CMTM6: variants seen among roughly 807,000 people sequenced by gnomAD.
The protein encoded by CMTM6 is CKLF-like MARVEL transmembrane domain-containing protein 6.
CMTM6 carries 5 observed loss-of-function variants against 13.6 expected under a neutral mutation model. The observed-to-expected ratio is 0.37, with a 90% CI of 0.19 to 0.77. The LOEUF (loss-of-function observed/expected upper bound fraction) is 0.77, where lower values mean the gene tolerates loss of function less well. Ranked by LOEUF, CMTM6 falls within the 30% of genes least tolerant of loss-of-function variation. The pLI is 0.50. For missense variants in CMTM6, 196 were observed against 218.6 expected, an observed-to-expected ratio of 0.90 and a Z score of 0.65; for synonymous variants, 99 against 84.5, an observed-to-expected ratio of 1.17 and a Z score of -0.94.
intron 1 of CMTM6, among the ~76,000 whole-genome samples, chr3:32,497,310 A>G (rs202091841): frequency 4.7e-5 from 7 of 148,736 alleles, no homozygotes; most frequent in Non-Finnish European, 7.4e-5. Flanking sequence ...GCGTAAACCC[A>G]GGAGGCAGAG....
intron 1 of CMTM6, 116 bp downstream of exon 1, chr3:32,502,492 T>C (rs1052024965): frequency 2.2e-6 from 3 of 1,348,390 alleles, no homozygotes; most frequent in African/African-American, 1.5e-5. Flanking sequence ...ACTAGAGGTG[T>C]GGAAACCTCC....
chr3:32,498,007 G>A (rs545314398), intron 1 of CMTM6, among the ~76,000 whole-genome samples: 1 of 152,184 alleles, frequency 6.6e-6, no homozygotes, highest in African/African-American at 2.4e-5. Context: ...TAACCCATAA[G>A]TAAAAAGGCT....
At chr3:32,491,976 A>G (rs1697253720) in intron 1 of CMTM6, 90 bp from the exon 2 acceptor site, 2 of 1,073,562 alleles carry the variant, frequency 1.9e-6, no homozygotes, top group African/African-American at 1.6e-5. Flanking sequence ...CGTTTACTCA[A>G]ATATTTACAA....
rs1337820425 is a variant in CMTM6 at position 32,481,580 on chromosome 3, AATT to A, written c.*2377_*2379del. Reference sequence around the variant, plus strand: ...AATTTATCATAACTGTTAATTTAAAAATTATTTTAAATTTGAGTTTATTGAATT... The same window carrying A: ...AATTTATCATAACTGTTAATTTAAAAATTTTAAATTTGAGTTTATTGAATT... On this transcript the variant is annotated 3_prime_UTR_variant, in exon 4 of 4. Coordinates refer to ENST00000205636, the MANE Select transcript of CMTM6 (RefSeq NM_017801.3). The A allele has an allele frequency of 3.9e-5, 6 of 152,176 alleles. No individual in the cohort carries two copies. Among genetic ancestry groups the A allele is most frequent in the Non-Finnish European group, 5.9e-5 (4 of 68,032 alleles). The allele number at this position is 152,176 out of a possible 1,614,324, so 9.4% of individuals were successfully genotyped here.
chr3:32,491,477 C>T (rs887129237), intron 2 of CMTM6, among the ~76,000 whole-genome samples: 4 of 152,126 alleles, frequency 2.6e-5, no homozygotes, highest in Non-Finnish European at 4.4e-5. Context: ...CATTAAACCA[C>T]CAATAACTGT....
rs1202873379 is a variant in CMTM6 at position 32,481,362 on chromosome 3, A to T, written c.*2598T>A. The T allele has an allele frequency of 8.3e-6, 1 of 119,854 alleles. No homozygotes were observed. The highest frequency in any genetic ancestry group is 1.8e-5 in the Non-Finnish European group (1 of 56,202). 7.4% of individuals were successfully genotyped at this position (119,854 alleles called of 1,614,324 possible). A position where few individuals can be genotyped will look rare whatever the true frequency, so the allele number is the denominator to read the frequency against. On this transcript the variant is annotated 3_prime_UTR_variant, in exon 4 of 4. Transcript: ENST00000205636. ...TAAAAAGACTATAAAATCTGACATC[A>T]AGAGAGATAAAAAAAAAAGACCCAT...
chr3:32,495,443 T>G (rs1697282447), intron 1 of CMTM6, among the ~76,000 whole-genome samples: 1 of 152,240 alleles, frequency 6.6e-6, no homozygotes, highest in African/African-American at 2.4e-5. Context: ...AATAAAATAC[T>G]AAATATCTAA....
Position 32,483,750 on chromosome 3 carries a change from A to G in CMTM6, c.*210T>C. The G allele has an allele frequency of 2.8e-6, 1 of 351,186 alleles. No individual in the cohort carries two copies. Among genetic ancestry groups the G allele is most frequent in the African/African-American group, 2.1e-5 (1 of 47,648 alleles). 21.8% of individuals were successfully genotyped at this position (351,186 alleles called of 1,614,324 possible). ...AAAATCTCCATTTGAGATAAGTTTC[A>G]ATTATTATTTAAAAAAAAATTTTTT... On this transcript the variant is annotated 3_prime_UTR_variant, in exon 4 of 4. Coordinates refer to ENST00000205636, the MANE Select transcript of CMTM6 (RefSeq NM_017801.3).
Position 32,483,148 on chromosome 3 carries a change from CT to C in CMTM6, c.*811del, listed in dbSNP as rs1250918985. On this transcript the variant is annotated 3_prime_UTR_variant, in exon 4 of 4. Coordinates refer to ENST00000205636, the MANE Select transcript of CMTM6 (RefSeq NM_017801.3). Reference sequence around the variant, plus strand: ...TGGTCAAAGCTTGTTTTTATAATTACTTTCACTGTCTTGGGCAAAAAGTCTT... The same window carrying C: ...TGGTCAAAGCTTGTTTTTATAATTACTTCACTGTCTTGGGCAAAAAGTCTT... The C allele has an allele frequency of 6.6e-6, 1 of 152,616 alleles. No individual in the cohort carries two copies. Among genetic ancestry groups the C allele is most frequent in the Non-Finnish European group, 1.5e-5 (1 of 68,024 alleles). The allele number at this position is 152,616 out of a possible 1,614,324, so 9.5% of individuals were successfully genotyped here. A position where few individuals can be genotyped will look rare whatever the true frequency, so the allele number is the denominator to read the frequency against.
At chr3:32,497,266 T>A (rs1353663812) in intron 1 of CMTM6, among the ~76,000 whole-genome samples, 1 of 150,068 alleles carries the variant, frequency 6.7e-6, no homozygotes, top group Non-Finnish European at 1.5e-5. Context: ...GCGCCTGTAG[T>A]CCCAGCTACT....
At position 32,502,737 on chromosome 3, in the gene CMTM6, G is replaced by C; in HGVS notation, c.9C>G (p.Asn3Lys). 6.7e-7 allele frequency: 1 copy of C among 1,481,842 alleles called. No individual in the cohort carries two copies. The allele number at this position is 1,481,842 out of a possible 1,614,324, so 91.8% of individuals were successfully genotyped here. Residue 3 changes from asparagine (N) to lysine (K), a missense_variant, in exon 1 of 4, where the codon AAC becomes AAG. Around this residue, in one of 2 missense-constraint regions of CMTM6, gnomAD observed 85 missense variants for 58.7 expected, o/e 1.45. Coordinates refer to ENST00000205636, the MANE Select transcript of CMTM6 (RefSeq NM_017801.3). ...CCGTAGTGGGGCTGTACACCGCTCC[G>C]TTCTCCATCGCCTCGGGCCGGGGAG... ME[N>K]GAVYSPTTEE... is the part of the protein sequence containing the mutation.
In CMTM6 at chr3:32,494,998, G is replaced by C. The variant is rs187608653; in HGVS notation, c.139-3112C>G. Among the ~76,000 whole-genome samples, 669 of 151,662 alleles carry C rather than the reference G, an allele frequency of 4.4e-3. 3 individuals carry two copies. Among genetic ancestry groups the C allele is most frequent in the South Asian group, 0.015 (74 of 4,812 alleles). ...ACACACACATGCACATACAAATGTG[G>C]GACCTCCCTGTACTTTTTTTTTTTG... On this transcript the variant is annotated intron_variant, in intron 1 of 3. Transcript: ENST00000205636.
chr3:32,488,278 AT>A, intron 2 of CMTM6: 1 of 293,958 alleles, frequency 3.4e-6, no homozygotes, highest in Non-Finnish European at 6.4e-6. Flanking sequence ...TAAACTTTTA[AT>A]AACAACAATC....
Position 32,482,347 on chromosome 3 carries a change from T to TAAG in CMTM6, c.*1610_*1612dup, listed in dbSNP as rs1697162330. 6.6e-6 allele frequency: 1 copy of TAAG among 151,764 alleles called. No individual in the cohort carries two copies. The highest frequency in any genetic ancestry group is 2.4e-5 in the African/African-American group (1 of 41,216). 9.4% of individuals were successfully genotyped at this position (151,764 alleles called of 1,614,324 possible). ...CACATTCATGCAATTAAAACCCATC[T>TAAG]AAGACACACAAATGGCAGATGAGAA... is the stretch of plus-strand genomic sequence containing the variant. On this transcript the variant is annotated 3_prime_UTR_variant, in exon 4 of 4. Coordinates refer to ENST00000205636, the MANE Select transcript of CMTM6 (RefSeq NM_017801.3).
chr3:32,492,910 CTGA>C (rs940235851), intron 1 of CMTM6, among the ~76,000 whole-genome samples: 4 of 152,234 alleles, frequency 2.6e-5, no homozygotes, highest in African/African-American at 4.8e-5. Flanking sequence ...TACTTCCAGA[CTGA>C]TGTTATCTGA....
chr3:32,489,601 G>A lies in CMTM6; in HGVS notation c.316-1565C>T, dbSNP rs186832471. On this transcript the variant is annotated intron_variant, in intron 2 of 3. Transcript: ENST00000205636. ...AGGAAGCACAAGGTTGCAGTGAGCC[G>A]AGATCGTGCCATTGCACTCCAGCCT... is the stretch of plus-strand genomic sequence containing the variant. 2.1e-4 allele frequency among the ~76,000 whole-genome samples: 32 copies of A among 151,172 alleles called. 1 individual carries two copies. The South Asian group carries it at 4.6e-3, about 22-fold the overall frequency.
rs1037354523 is a variant in CMTM6 at position 32,481,625 on chromosome 3, A to C, written c.*2335T>G. Reference sequence around the variant, plus strand: ...TATTGAATTTGCCATTTTTTTGTACATAACAGTGGTTTCTGGTCCCAAGTT... The same window carrying C: ...TATTGAATTTGCCATTTTTTTGTACCTAACAGTGGTTTCTGGTCCCAAGTT... On this transcript the variant is annotated 3_prime_UTR_variant, in exon 4 of 4. Coordinates refer to ENST00000205636, the MANE Select transcript of CMTM6 (RefSeq NM_017801.3). The C allele has an allele frequency of 6.6e-6, 1 of 152,190 alleles. No homozygotes were observed. Among genetic ancestry groups the C allele is most frequent in the Admixed American group, 6.5e-5 (1 of 15,278 alleles). The allele number at this position is 152,190 out of a possible 1,614,324, so 9.4% of individuals were successfully genotyped here. A position where few individuals can be genotyped will look rare whatever the true frequency, so the allele number is the denominator to read the frequency against.
In CMTM6 at chr3:32,502,703, G is replaced by A; in HGVS notation, c.43C>T (p.Pro15Ser). Residue 15 changes from proline (P) to serine (S), a missense_variant, in exon 1 of 4, where the codon CCG (proline) becomes TCG (serine). Coordinates refer to ENST00000205636, the MANE Select transcript of CMTM6 (RefSeq NM_017801.3). Reference protein sequence around the residue: ...AVYSPTTEEDPGPARGPRSGL... With the variant: ...AVYSPTTEEDSGPARGPRSGL... ...CTCCGGGGGCCTCTGGCGGGGCCCG[G>A]GTCCTCCTCCGTAGTGGGGCTGTAC... The A allele has an allele frequency of 6.3e-7, 1 of 1,583,826 alleles. No homozygotes were observed. The highest frequency in any genetic ancestry group is 1.4e-5 in the African/African-American group (1 of 73,980).
At chr3:32,484,896 G>A (rs549279500) in intron 3 of CMTM6, among the ~76,000 whole-genome samples, 41 of 152,056 alleles carry the variant, frequency 2.7e-4, no homozygotes, top group African/African-American at 9.4e-4. Context: ...GCAGTCTCCT[G>A]ACCTCTCCTC....
Sources: gnomAD v4.1 joint callset for allele counts (sites outside exome capture counted in the v4.1 genomes callset) on GRCh38, gnomAD v4.1.1 for gene constraint, gnomAD v4.1.1 regional missense constraint, MANE v1.5 for transcripts, NCBI Gene and HGNC (gene_info 2026-07-23, HGNC 2026-07-21) for gene names.